LARGE1: variants seen among roughly 807,000 people sequenced by gnomAD.
The protein encoded by LARGE1 is LARGE xylosyl- and glucuronyltransferase 1.
LARGE1 carries 43 observed loss-of-function variants against 87.6 expected under a neutral mutation model. The observed-to-expected ratio is 0.49, with a 90% CI of 0.38 to 0.63. LARGE1 has a LOEUF of 0.63. Among genes scored for constraint, LARGE1 ranks in the 30% least tolerant of loss-of-function variants. The pLI is 0.00. For missense variants in LARGE1, 802 were observed against 1,000.2 expected, an observed-to-expected ratio of 0.80 and a Z score of 2.67; for synonymous variants, 434 against 394.6, an observed-to-expected ratio of 1.10 and a Z score of -1.18.
intron 6 of LARGE1, among the ~76,000 whole-genome samples, chr22:33,457,941 C>A (rs2068207375): frequency 6.6e-6 from 1 of 152,114 alleles, no homozygotes; most frequent in South Asian, 2.1e-4. Context: ...AGTGTATAAT[C>A]TTTCAGCATC....
chr22:33,383,902 G>C (rs549699670), intron 8 of LARGE1, among the ~76,000 whole-genome samples: 1 of 152,280 alleles, frequency 6.6e-6, no homozygotes, highest in Admixed American at 6.5e-5. Flanking sequence ...GCTCTATGAG[G>C]GCAAGTGCTG....
chr22:33,650,205 A>T (rs1194433760), intron 3 of LARGE1, among the ~76,000 whole-genome samples, 162 bp downstream of exon 3: 4 of 152,198 alleles, frequency 2.6e-5, no homozygotes, highest in Non-Finnish European at 5.9e-5. Context: ...GACTTGTCAG[A>T]CCATTGAGCA....
At chr22:33,091,144 A>C in the LARGE1 span, among the ~76,000 whole-genome samples, 1 of 152,082 alleles carries the variant, frequency 6.6e-6, no homozygotes, top group African/African-American at 2.4e-5. Flanking sequence ...TCCTGCTATC[A>C]TTTCTCACAT....
At position 33,719,994 on chromosome 22, in the gene LARGE1, G is replaced by A. The variant is rs182603989; in HGVS notation, c.106+41377C>T. Among the ~76,000 whole-genome samples, 578 of 152,288 alleles carry A rather than the reference G, an allele frequency of 3.8e-3. 1 individual carries two copies. Among genetic ancestry groups the A allele is most frequent in the Admixed American group, 8.3e-3 (127 of 15,296 alleles). On this transcript the variant is annotated intron_variant, in intron 2 of 14. Coordinates refer to ENST00000397394, the MANE Select transcript of LARGE1 (RefSeq NM_133642.5). Reference sequence around the variant, plus strand: ...CTTTTTGGTACCAGGTACCGGTTTTGTGGAAGACCATTTCTCCGCAGACAA... The same window carrying A: ...CTTTTTGGTACCAGGTACCGGTTTTATGGAAGACCATTTCTCCGCAGACAA...
At chr22:33,230,138 A>C (rs1271187568) in intron 11 of LARGE1, among the ~76,000 whole-genome samples, 2 of 148,866 alleles carry the variant, frequency 1.3e-5, no homozygotes, top group African/African-American at 2.5e-5. Flanking sequence ...CAGCCTCCCT[A>C]GTAGCTGGGA....
intron 2 of LARGE1, among the ~76,000 whole-genome samples, chr22:33,713,884 A>C (rs1391318601): frequency 6.6e-6 from 1 of 152,006 alleles, no homozygotes; most frequent in African/African-American, 2.4e-5. Flanking sequence ...TGAGTTTGGG[A>C]GGTTGAGGCT....
chr22:33,651,225 C>CA (rs71187275), intron 2 of LARGE1, among the ~76,000 whole-genome samples: 10,262 of 56,608 alleles, frequency 0.18, 1,799 homozygotes, highest in East Asian at 0.28. Context: ...ACTAAAAATA[C>CA]AAAAAAAAAA....
intron 1 of LARGE1, among the ~76,000 whole-genome samples, chr22:33,780,037 G>A (rs1189148578): frequency 6.6e-6 from 1 of 151,870 alleles, no homozygotes; most frequent in Admixed American, 6.6e-5. Context: ...CACTCTCAAG[G>A]CGCTGGGGAA....
At chr22:33,173,794 T>C (rs188455406) in intron 11 of LARGE1, among the ~76,000 whole-genome samples, 6 of 152,102 alleles carry the variant, frequency 3.9e-5, no homozygotes, top group Non-Finnish European at 7.4e-5. Flanking sequence ...GAGCTAACTA[T>C]CCTAAATATA....
intron 5 of LARGE1, among the ~76,000 whole-genome samples, chr22:33,601,967 G>T (rs535108887): frequency 2.4e-4 from 36 of 152,180 alleles, no homozygotes; most frequent in African/African-American, 7.0e-4. Context: ...CTCATGGAAG[G>T]GGCTTCCAGG....
chr22:33,263,105 G>C (rs1227588798), intron 11 of LARGE1, among the ~76,000 whole-genome samples: 1 of 152,030 alleles, frequency 6.6e-6, no homozygotes, highest in East Asian at 1.9e-4. Flanking sequence ...GGTTGGCCAG[G>C]CTGGTCTCGA....
intron 7 of LARGE1, among the ~76,000 whole-genome samples, chr22:33,420,928 C>T (rs2066669037): frequency 6.6e-6 from 1 of 152,148 alleles, no homozygotes; most frequent in Admixed American, 6.5e-5. Flanking sequence ...TGGCTCATGC[C>T]TGTAATCTCA....
chr22:33,195,761 T>TC (rs1266923821), intron 11 of LARGE1, among the ~76,000 whole-genome samples: 2 of 88,128 alleles, frequency 2.3e-5, no homozygotes, highest in Non-Finnish European at 4.7e-5. Context: ...TTTTTCTTTT[T>TC]TTTTTTTTTT....
intron 4 of LARGE1, among the ~76,000 whole-genome samples, chr22:33,625,948 G>A (rs2079907159): frequency 6.6e-6 from 1 of 152,154 alleles, no homozygotes; most frequent in African/African-American, 2.4e-5. Flanking sequence ...ACTGAGATCT[G>A]GTAAATGCTA....
intron 11 of LARGE1, among the ~76,000 whole-genome samples, chr22:33,259,442 A>G (rs1414783536): frequency 6.6e-6 from 1 of 151,994 alleles, no homozygotes; most frequent in Non-Finnish European, 1.5e-5. Flanking sequence ...GTTTTCTAGC[A>G]ACCTGGCTGG....
intron 11 of LARGE1, among the ~76,000 whole-genome samples, chr22:33,249,190 T>A (rs1926904305): frequency 6.6e-6 from 1 of 152,184 alleles, no homozygotes; most frequent in Non-Finnish European, 1.5e-5. Context: ...AAATGAGAGT[T>A]CCTATTGCAC....
rs375883590 is a variant in LARGE1, at chr22:33,416,419, G to A, written c.892+15742C>T. On this transcript the variant is annotated intron_variant, in intron 7 of 14. Transcript: ENST00000397394. ...CTTTGAAGCTTTTCTCCACCCACCC[G>A]TGCAGGCCTCCACTCTAGCTCTCGG... 3.9e-5 allele frequency among the ~76,000 whole-genome samples: 6 copies of A among 151,998 alleles called. No individual in the cohort carries two copies. The East Asian group carries it at 7.7e-4, about 20-fold the overall frequency.
chr22:33,450,659 A>T (rs1026131482), intron 6 of LARGE1, among the ~76,000 whole-genome samples: 1 of 152,074 alleles, frequency 6.6e-6, no homozygotes, highest in African/African-American at 2.4e-5. Context: ...ATATGGTTAA[A>T]AATATTACAC....
chr22:33,556,315 T>C (rs927982314), intron 6 of LARGE1, among the ~76,000 whole-genome samples: 3 of 151,986 alleles, frequency 2.0e-5, no homozygotes, highest in Admixed American at 6.6e-5. Context: ...TAAAGAGTTT[T>C]ATGAAGGCTA....
Sources: allele counts gnomAD v4.1 joint callset (sites outside exome capture counted in the v4.1 genomes callset), GRCh38; gene constraint gnomAD v4.1.1; transcripts MANE v1.5; gene names NCBI Gene and HGNC (gene_info 2026-07-23, HGNC 2026-07-21).